The following ALLC variants were observed in gnomAD, a reference collection of about 807,000 sequenced individuals.
ALLC encodes probable inactive allantoicase.
Under a neutral mutation model 45.0 loss-of-function variants are expected in ALLC, and 40 were observed. The ratio of observed to expected loss-of-function variants is 0.89; its 90% CI spans 0.69 to 1.16. The LOEUF (loss-of-function observed/expected upper bound fraction) is 1.16, where lower values mean the gene tolerates loss of function less well. ALLC is among the 50% of genes most tolerant of loss of function. The pLI is 0.00. For synonymous variants in ALLC, 176 were observed against 178.1 expected (o/e 0.99, Z 0.09); for missense variants, 488 against 493.1 (o/e 0.99, Z 0.10).
chr2:3,690,041 A>G (rs1249327012), intron 7 of ALLC, among the ~76,000 whole-genome samples: 2 of 147,212 alleles, frequency 1.4e-5, no homozygotes, highest in Admixed American at 6.8e-5. Context: ...GTTGCATGAG[A>G]TATCTTTTTC....
chr2:3,659,401 C>T (rs1666515709), intron 1 of ALLC, among the ~76,000 whole-genome samples: 2 of 152,170 alleles, frequency 1.3e-5, no homozygotes, highest in South Asian at 4.1e-4. Flanking sequence ...TCCTCATTTG[C>T]GGTGATTAAG....
At chr2:3,683,477 C>T (rs1422618860) in intron 7 of ALLC, among the ~76,000 whole-genome samples, 2 of 152,180 alleles carry the variant, frequency 1.3e-5, no homozygotes, top group African/African-American at 4.8e-5. Context: ...TGCATAGACA[C>T]GTGCAACCAT....
upstream of ALLC, among the ~76,000 whole-genome samples, chr2:3,653,317 C>T (rs1013276667): frequency 1.3e-5 from 2 of 152,260 alleles, no homozygotes; most frequent in Non-Finnish European, 2.9e-5. The surrounding 1 kb of genome is among the most constrained non-coding windows in gnomAD (Gnocchi z 4.1). Context: ...ACTGTGGCCA[C>T]GTTTGCAGTT....
the ALLC span, among the ~76,000 whole-genome samples, chr2:3,650,358 C>T: frequency 2.0e-5 from 3 of 152,334 alleles, no homozygotes; most frequent in South Asian, 6.2e-4. Context: ...CTGTCTGTGG[C>T]CGGCCACCGG....
chr2:3,682,497 TTCATTAGGTA>T (rs750985468), intron 6 of ALLC, among the ~76,000 whole-genome samples: 1 of 152,202 alleles, frequency 6.6e-6, no homozygotes, highest in Non-Finnish European at 1.5e-5. Context: ...ATTAAAGTGT[TTCATTAGGTA>T]TCCATCATTA....
chr2:3,662,585 T>G (rs964758725), intron 1 of ALLC, among the ~76,000 whole-genome samples: 1 of 152,242 alleles, frequency 6.6e-6, no homozygotes, highest in Non-Finnish European at 1.5e-5. Context: ...ACCCCTGATA[T>G]TCTTTTTTTA....
intron 3 of ALLC, among the ~76,000 whole-genome samples, chr2:3,675,449 T>A (rs1666997999): frequency 6.6e-6 from 1 of 151,576 alleles, no homozygotes; most frequent in Admixed American, 6.6e-5. Context: ...CCATGTATAT[T>A]TTATGAGTGT....
chr2:3,672,298 G>T (rs1572511601), intron 2 of ALLC, among the ~76,000 whole-genome samples: 1 of 113,346 alleles, frequency 8.8e-6, no homozygotes, highest in Non-Finnish European at 1.9e-5. Context: ...TCTGGCTCTG[G>T]TTAGATCGGA....
intron 1 of ALLC, among the ~76,000 whole-genome samples, chr2:3,666,477 C>A (rs7605917): frequency 0.21 from 32,358 of 152,218 alleles, 4,617 homozygotes; most frequent in African/African-American, 0.41. Context: ...CCACAGGCCA[C>A]AGCCAGGCTG....
At chr2:3,701,464 C>G (rs187198737) in intron 10 of ALLC, 48 bp from the exon 11 acceptor site, 2 of 1,533,832 alleles carry the variant, frequency 1.3e-6, no homozygotes, top group African/African-American at 2.7e-5. Flanking sequence ...ATACGCCAAA[C>G]TGAGTGCAAA....
chr2:3,660,090 C>A (rs1255739017), intron 1 of ALLC, among the ~76,000 whole-genome samples: 1 of 152,170 alleles, frequency 6.6e-6, no homozygotes, highest in Non-Finnish European at 1.5e-5. Context: ...TGGGGCCCAG[C>A]GGGAGGAGTC....
chr2:3,649,493 G>A, the ALLC span, among the ~76,000 whole-genome samples: 4 of 152,066 alleles, frequency 2.6e-5, no homozygotes, highest in Admixed American at 1.3e-4. Flanking sequence ...CACCCGCCTC[G>A]GCCTCCCAAA....
chr2:3,671,305 C>A, intron 2 of ALLC, 115 bp downstream of exon 2: 1 of 1,251,050 alleles, frequency 8.0e-7, no homozygotes, highest in Non-Finnish European at 1.1e-6. Context: ...GAAGTGTTGG[C>A]CTGCCCAAGG....
Position 3,702,455 on chromosome 2 carries a change from G to C in ALLC, c.1068G>C (p.Gly356=). ...THARLTIVPD[G]GVSRLRLRGF... ...CCAGGCTCACCATCGTCCCCGACGG[G>C]GGAGTGAGCCGCCTTCGGCTCCGGG... Residue 356 remains glycine, a synonymous_variant, in exon 12 of 12, where the codon GGG becomes GGC. Coordinates refer to ENST00000252505, the MANE Select transcript of ALLC (RefSeq NM_018436.4). The C allele has an allele frequency of 6.2e-7, 1 of 1,612,854 alleles. No homozygotes were observed. The highest frequency in any genetic ancestry group is 8.5e-7 in the Non-Finnish European group (1 of 1,179,758).
chr2:3,699,342 T>C, intron 10 of ALLC, among the ~76,000 whole-genome samples: 1 of 152,220 alleles, frequency 6.6e-6, no homozygotes, highest in East Asian at 1.9e-4. Flanking sequence ...TCTCATTCCT[T>C]TTTGTGGCTG....
intron 6 of ALLC, among the ~76,000 whole-genome samples, chr2:3,682,078 AAAAT>A (rs1211943452): frequency 3.3e-5 from 5 of 152,244 alleles, no homozygotes; most frequent in Non-Finnish European, 5.9e-5. Context: ...ACGGGGGAAA[AAAAT>A]AAATAGGGCT....
At chr2:3,651,407 G>GCA in the ALLC span, among the ~76,000 whole-genome samples, 7 of 46,530 alleles carry the variant, frequency 1.5e-4, no homozygotes, top group African/African-American at 1.9e-4. Context: ...GTGTGTGTGT[G>GCA]TGTGTGTGTG....
At chr2:3,667,180 A>G (rs1298837814) in intron 1 of ALLC, among the ~76,000 whole-genome samples, 3 of 152,008 alleles carry the variant, frequency 2.0e-5, no homozygotes, top group Non-Finnish European at 2.9e-5. Context: ...CCCTAAAGGG[A>G]GGTTCCTGAG....
intron 1 of ALLC, among the ~76,000 whole-genome samples, chr2:3,666,068 G>C (rs17017879): frequency 0.05 from 7,578 of 152,310 alleles, 223 homozygotes; most frequent in East Asian, 0.11. Flanking sequence ...ATGAAAGACT[G>C]TATGCACAAA....
Sources: allele counts gnomAD v4.1 joint callset (sites outside exome capture counted in the v4.1 genomes callset), GRCh38; gene constraint gnomAD v4.1.1; non-coding constraint Gnocchi (gnomAD v3.1); transcripts MANE v1.5; gene names NCBI Gene and HGNC (gene_info 2026-07-23, HGNC 2026-07-21).